COL23A1: variants seen among roughly 807,000 people sequenced by gnomAD.
COL23A1 encodes the protein collagen type XXIII alpha 1 chain, also known as collagen alpha-1(XXIII) chain.
COL23A1 carries 97 observed loss-of-function variants against 99.3 expected under a neutral mutation model. The ratio of observed to expected loss-of-function variants is 0.98; its 90% CI spans 0.83 to 1.16. COL23A1 has a LOEUF of 1.16. COL23A1 is among the 50% of genes most tolerant of loss of function. COL23A1 has a pLI of 0.00. For synonymous variants in COL23A1, 320 were observed against 308.2 expected (o/e 1.04, Z -0.40); for missense variants, 762 against 757.4 (o/e 1.01, Z -0.07).
chr5:178,249,989 A>G (rs201105159), intron 18 of COL23A1, 72 bp downstream of exon 18: 147,053 of 1,199,562 alleles, frequency 0.12, 4,482 homozygotes, highest in East Asian at 0.15. Context: ...GCACACGCAC[A>G]CACACACACA....
rs535992297 is a variant in COL23A1 at position 178,358,156 on chromosome 5, G to A, written c.362-51237C>T. ...GTCTAATGTGTGTGTATGTGTATGT[G>A]TGTATGTCTAATGTGTATGTGTATG... On this transcript the variant is annotated intron_variant, in intron 2 of 28. Coordinates refer to ENST00000390654, the MANE Select transcript of COL23A1 (RefSeq NM_173465.4). Among the ~76,000 whole-genome samples, 180 of 150,502 alleles carry A rather than the reference G, an allele frequency of 1.2e-3. 1 individual carries two copies. The highest frequency in any genetic ancestry group is 3.9e-3 in the African/African-American group (161 of 40,818).
At chr5:178,533,912 T>C (rs1760791052) in intron 2 of COL23A1, among the ~76,000 whole-genome samples, 1 of 152,218 alleles carries the variant, frequency 6.6e-6, no homozygotes, top group African/African-American at 2.4e-5. Flanking sequence ...GAGGCTTCAG[T>C]GGACACCCAG....
chr5:178,533,467 T>A (rs1016554170), intron 2 of COL23A1, among the ~76,000 whole-genome samples: 1 of 152,206 alleles, frequency 6.6e-6, no homozygotes, highest in Non-Finnish European at 1.5e-5. Flanking sequence ...CAGCATGACA[T>A]CCTCAAGCTT....
chr5:178,272,204 T>TG (rs1438943697), intron 5 of COL23A1, among the ~76,000 whole-genome samples: 1 of 152,214 alleles, frequency 6.6e-6, no homozygotes, highest in East Asian at 1.9e-4. Flanking sequence ...CCTCCTGCTC[T>TG]GGGAAGACTT....
intron 2 of COL23A1, among the ~76,000 whole-genome samples, chr5:178,347,102 T>C (rs1224679948): frequency 2.0e-5 from 3 of 151,906 alleles, no homozygotes; most frequent in Non-Finnish European, 4.4e-5. Context: ...CCTCCCTCCC[T>C]GTCCTCACCG....
intron 1 of COL23A1, among the ~76,000 whole-genome samples, chr5:178,584,924 T>C (rs945150637): frequency 6.6e-6 from 1 of 152,106 alleles, no homozygotes; most frequent in Non-Finnish European, 1.5e-5. Flanking sequence ...TGCTATGATA[T>C]GGGAAAGCTG....
At chr5:178,269,432 C>A in intron 6 of COL23A1, among the ~76,000 whole-genome samples, 1 of 128,836 alleles carries the variant, frequency 7.8e-6, no homozygotes, top group African/African-American at 3.0e-5. Flanking sequence ...TCCATCCACC[C>A]ACCCACCCAT....
At chr5:178,360,813 G>A (rs540230706) in intron 2 of COL23A1, among the ~76,000 whole-genome samples, 1 of 152,344 alleles carries the variant, frequency 6.6e-6, no homozygotes, top group South Asian at 2.1e-4. Context: ...GGGAACCGGG[G>A]GACCCAAAGA....
At chr5:178,267,172 G>C (rs1335865810) in intron 8 of COL23A1, 135 bp downstream of exon 8, 1 of 946,870 alleles carries the variant, frequency 1.1e-6, no homozygotes, top group African/African-American at 1.6e-5. Context: ...GGTGCTATGG[G>C]TGGGGAAGAG....
rs1764238501 is a variant in COL23A1 at position 178,238,755 on chromosome 5, C to A, written c.1621-55G>T. On this transcript the variant is annotated intron_variant, in intron 28 of 28. Coordinates refer to ENST00000390654, the MANE Select transcript of COL23A1 (RefSeq NM_173465.4). ...CGAGGAGCCCGAGAAGCTCCGCCCC[C>A]ATCCAGGCCACCTTGCCTGGCCTCC... is the stretch of plus-strand genomic sequence containing the variant. 4 of 1,611,616 alleles carry A rather than the reference C, an allele frequency of 2.5e-6. No individual in the cohort carries two copies. The South Asian group carries it at 4.4e-5, about 18-fold the overall frequency.
Position 178,306,823 on chromosome 5 carries a change from C to A in COL23A1, c.406+52G>T, listed in dbSNP as rs146718807. Reference sequence around the variant, plus strand: ...CAGGCCCTGCAGTCAGAGCCTGGGGCCATGGTGGCTTCCAAGCCTTGGCTT... The same window carrying A: ...CAGGCCCTGCAGTCAGAGCCTGGGGACATGGTGGCTTCCAAGCCTTGGCTT... On this transcript the variant is annotated intron_variant, in intron 3 of 28. Transcript: ENST00000390654. This position sits in a 1 kb window ranked among gnomAD's most constrained non-coding sequence, Gnocchi z 4.1. 1 of 1,358,620 alleles carries A rather than the reference C, an allele frequency of 7.4e-7. No individual in the cohort carries two copies. Among genetic ancestry groups the A allele is most frequent in the Non-Finnish European group, 9.7e-7 (1 of 1,027,594 alleles). 84.2% of individuals were successfully genotyped at this position (1,358,620 alleles called of 1,614,324 possible).
In COL23A1 at chr5:178,408,975, TACACACACACACAC is replaced by T. The variant is rs61457266; in HGVS notation, c.362-102070_362-102057del. The stretch of plus-strand genomic sequence containing the variant: ...TGTCTCAAAAAAAAAAAAAAAAAAA[TACACACACACACAC>T]ACACACACACACACACACACACACA... On this transcript the variant is annotated intron_variant, in intron 2 of 28. Coordinates refer to ENST00000390654, the MANE Select transcript of COL23A1 (RefSeq NM_173465.4). Among the ~76,000 whole-genome samples the T allele has an allele frequency of 3.2e-3, 323 of 101,654 alleles. 7 individuals are homozygous for T. The highest frequency in any genetic ancestry group is 0.012 in the African/African-American group (297 of 25,742). The allele number at this position is 101,654 out of a possible 152,430, so 66.7% of individuals were successfully genotyped here.
intron 2 of COL23A1, among the ~76,000 whole-genome samples, chr5:178,389,287 C>T (rs1033833067): frequency 1.3e-5 from 2 of 152,210 alleles, no homozygotes; most frequent in Non-Finnish European, 2.9e-5. Context: ...GCCTCCTGGC[C>T]ACCTCCTCCA....
intron 2 of COL23A1, among the ~76,000 whole-genome samples, chr5:178,559,461 G>A (rs556444834): frequency 1.5e-4 from 22 of 151,682 alleles, no homozygotes; most frequent in South Asian, 4.2e-4. Context: ...CCTGCACGTC[G>A]AGAAGTCTGA....
At chr5:178,360,971 T>C (rs1196129815) in intron 2 of COL23A1, among the ~76,000 whole-genome samples, 1 of 152,204 alleles carries the variant, frequency 6.6e-6, no homozygotes. Flanking sequence ...CATTCGGCTT[T>C]GGACTTGGCA....
At position 178,366,214 on chromosome 5, in the gene COL23A1, A is replaced by G. The variant is rs895582694; in HGVS notation, c.362-59295T>C. 1.3e-5 allele frequency among the ~76,000 whole-genome samples: 2 copies of G among 151,964 alleles called. No individual in the cohort carries two copies. Among genetic ancestry groups the G allele is most frequent in the Admixed American group, 6.6e-5 (1 of 15,260 alleles). ...CCCGGAGCCCAGGGTTCACTCTGCA[A>G]CTCTGCTGGCTGAAGGGCCTGCTCC... On this transcript the variant is annotated intron_variant, in intron 2 of 28. Transcript: ENST00000390654. This position sits in a 1 kb window ranked among gnomAD's most constrained non-coding sequence, Gnocchi z 4.4.
At chr5:178,357,149 A>C (rs960294542) in intron 2 of COL23A1, among the ~76,000 whole-genome samples, 3 of 152,248 alleles carry the variant, frequency 2.0e-5, no homozygotes, top group Non-Finnish European at 4.4e-5. Context: ...TAATTGCATT[A>C]AGCACGGGTT....
At chr5:178,518,517 G>A (rs1759711012) in intron 2 of COL23A1, among the ~76,000 whole-genome samples, 2 of 151,670 alleles carry the variant, frequency 1.3e-5, no homozygotes, top group South Asian at 4.2e-4. Flanking sequence ...TGGCTGGCCG[G>A]GCAGAGGGGC....
In COL23A1 at chr5:178,403,122, ATAAATAAAT is replaced by A. The variant is rs149785121; in HGVS notation, c.362-96212_362-96204del. On this transcript the variant is annotated intron_variant, in intron 2 of 28. Coordinates refer to ENST00000390654, the MANE Select transcript of COL23A1 (RefSeq NM_173465.4). ...AGACTCCATCTCAAAAAAAAAAAAAATAAATAAATAAAAAATAAATACCATTTACCGAAA... is the reference window on the plus strand; with the variant it reads ...AGACTCCATCTCAAAAAAAAAAAAAAAAAAAATAAATACCATTTACCGAAA... Among the ~76,000 whole-genome samples, 611 of 111,174 alleles carry A rather than the reference ATAAATAAAT, an allele frequency of 5.5e-3. 98 individuals are homozygous for A. The highest frequency in any genetic ancestry group is 0.021 in the East Asian group (64 of 2,986). 72.9% of individuals were successfully genotyped at this position (111,174 alleles called of 152,430 possible).
Sources: allele counts gnomAD v4.1 joint callset (sites outside exome capture counted in the v4.1 genomes callset), GRCh38; gene constraint gnomAD v4.1.1; non-coding constraint Gnocchi (gnomAD v3.1); transcripts MANE v1.5; gene names NCBI Gene and HGNC (gene_info 2026-07-23, HGNC 2026-07-21).